Variants in SYNE3 observed in about 807,000 individuals in gnomAD.
SYNE3 encodes the protein spectrin repeat containing nuclear envelope family member 3.
Under a neutral mutation model 111.2 loss-of-function variants are expected in SYNE3, and 100 were observed. The observed-to-expected ratio is 0.90, with a 90% CI of 0.77 to 1.06. SYNE3 has a LOEUF of 1.06. SYNE3 is among the 50% of genes least tolerant of loss of function. SYNE3 has a pLI of 0.00. For missense variants in SYNE3, 1,160 were observed against 1,240.3 expected, an observed-to-expected ratio of 0.94 and a Z score of 0.97; for synonymous variants, 547 against 533.9, an observed-to-expected ratio of 1.02 and a Z score of -0.34.
rs1888489351 is a variant in SYNE3 at position 95,470,902 on chromosome 14, G to A, written c.145-2935C>T. Among the ~76,000 whole-genome samples the A allele has an allele frequency of 6.6e-6, 1 of 150,548 alleles. No homozygotes were observed. The highest frequency in any genetic ancestry group is 1.5e-5 in the Non-Finnish European group (1 of 67,742). On this transcript the variant is annotated intron_variant, in intron 2 of 17. Coordinates refer to ENST00000682763, the MANE Select transcript of SYNE3 (RefSeq NM_152592.6). The surrounding 1 kb of genome is among the most constrained non-coding windows in gnomAD (Gnocchi z 4.2). ...GAACCTGGGAGGCAGATGTTGCAGT[G>A]AGCCGAGATCACAACACTGCACTCC... is the stretch of plus-strand genomic sequence containing the variant.
Position 95,450,108 on chromosome 14 carries a change from G to T in SYNE3, c.1275-3C>A, listed in dbSNP as rs764252485. 1.3e-6 allele frequency: 2 copies of T among 1,573,072 alleles called. No individual in the cohort carries two copies. The highest frequency in any genetic ancestry group is 1.2e-5 in the South Asian group (1 of 85,666). On this transcript the variant is annotated splice_polypyrimidine_tract_variant and splice_region_variant and intron_variant, in intron 7 of 17. Transcript: ENST00000682763. ...GCCTCGCGCTCTTCACCTTCAGGCT[G>T]CAAGGAGCGTGGAGGGAGAAAATGA... is the stretch of plus-strand genomic sequence containing the variant.
intron 11 of SYNE3, among the ~76,000 whole-genome samples, chr14:95,441,529 TAAAC>T (rs1886415054): frequency 1.3e-5 from 2 of 152,362 alleles, no homozygotes; most frequent in African/African-American, 4.8e-5. Flanking sequence ...AAGAAGAATA[TAAAC>T]AATCAATAAG....
chr14:95,504,845 A>C (rs74947225), intron 1 of SYNE3, among the ~76,000 whole-genome samples: 1 of 113,948 alleles, frequency 8.8e-6, no homozygotes, highest in Non-Finnish European at 1.9e-5. Context: ...AGAAAAAAGA[A>C]AAAAGACAAT....
intron 1 of SYNE3, among the ~76,000 whole-genome samples, chr14:95,512,669 G>A (rs888875749): frequency 2.0e-5 from 3 of 151,138 alleles, no homozygotes; most frequent in South Asian, 4.2e-4. Flanking sequence ...TGGCTAACAC[G>A]ATGAAACCCC....
intron 14 of SYNE3, among the ~76,000 whole-genome samples, chr14:95,437,415 C>T (rs576200180): frequency 6.6e-6 from 1 of 152,382 alleles, no homozygotes; most frequent in Admixed American, 6.5e-5. Context: ...TCCCTGTCCT[C>T]TGAGCCTGGG....
chr14:95,482,376 C>T (rs939063869), intron 1 of SYNE3, among the ~76,000 whole-genome samples: 1 of 152,138 alleles, frequency 6.6e-6, no homozygotes, highest in Non-Finnish European at 1.5e-5. Context: ...AGAGGTTGCA[C>T]TGAGAAGAGA....
chr14:95,427,172 G>A (rs989302324), intron 17 of SYNE3, among the ~76,000 whole-genome samples: 7 of 152,112 alleles, frequency 4.6e-5, no homozygotes, highest in Non-Finnish European at 7.4e-5. Context: ...TGTTATGCCC[G>A]GACAGGGCCA....
At position 95,439,676 on chromosome 14, in the gene SYNE3, C is replaced by G. The variant is rs2139391931; in HGVS notation, c.2182G>C (p.Glu728Gln). The G allele has an allele frequency of 2.5e-6, 4 of 1,614,116 alleles. No homozygotes were observed. The East Asian group carries it at 8.9e-5, about 36-fold the overall frequency. The change falls in exon 13 of 18, where the codon GAG becomes CAG. Residue 728 changes from glutamate (E) to glutamine (Q), a missense_variant. By Grantham distance (29) the Glu-to-Gln change is conservative (BLOSUM62 2). Transcript: ENST00000682763. ...SSPEGAAVVQEELRELAESWR... is the reference protein window; with the variant it reads ...SSPEGAAVVQQELRELAESWR... Reference sequence around the variant, plus strand: ...GACTCTGCCAGCTCCCTGAGCTCCTCCTGCACCACGGCAGCACCCTCCGGA... The same window carrying G: ...GACTCTGCCAGCTCCCTGAGCTCCTGCTGCACCACGGCAGCACCCTCCGGA...
intron 1 of SYNE3, among the ~76,000 whole-genome samples, chr14:95,505,216 G>C (rs1890487263): frequency 6.6e-6 from 1 of 152,264 alleles, no homozygotes; most frequent in South Asian, 2.1e-4. Flanking sequence ...CTGAACCCCG[G>C]GAAATGGCCC....
Position 95,452,377 on chromosome 14 carries a change from G to A in SYNE3, c.1144C>T (p.Arg382Trp), listed in dbSNP as rs749768826. 5.1e-5 allele frequency: 82 copies of A among 1,608,350 alleles called. No individual in the cohort carries two copies. The highest frequency in any genetic ancestry group is 3.3e-4 in the Middle Eastern group (2 of 6,058). The change falls in exon 7 of 18, where the codon CGG (arginine) becomes TGG (tryptophan). Residue 382 changes from arginine (R) to tryptophan (W), a missense_variant. Coordinates refer to ENST00000682763, the MANE Select transcript of SYNE3 (RefSeq NM_152592.6). ...GGCTCCTCCGAGGCCAGCGCCGCCC[G>A]TGTTGCCTGCAGCACATGACGACAC... ...VAHWRRYSATRAALASEEPRV... is the reference protein window; with the variant it reads ...VAHWRRYSATWAALASEEPRV...
intron 1 of SYNE3, among the ~76,000 whole-genome samples, chr14:95,508,177 G>T (rs1436411179): frequency 6.6e-6 from 1 of 152,250 alleles, no homozygotes; most frequent in African/African-American, 2.4e-5. Flanking sequence ...GTAGCTGAGG[G>T]TGGGTTACTT....
At chr14:95,514,394 G>A (rs772001061) in intron 1 of SYNE3, among the ~76,000 whole-genome samples, 41 of 152,302 alleles carry the variant, frequency 2.7e-4, no homozygotes, top group Non-Finnish European at 5.0e-4. Context: ...CATGAGGGGG[G>A]TGAGCCAGGA....
intron 1 of SYNE3, among the ~76,000 whole-genome samples, chr14:95,476,496 T>C (rs1888898498): frequency 6.6e-6 from 1 of 152,248 alleles, no homozygotes; most frequent in Non-Finnish European, 1.5e-5. Flanking sequence ...ATGCCGGCCC[T>C]AGGTAACACC....
intron 14 of SYNE3, 59 bp from the exon 15 acceptor site, chr14:95,437,040 C>G: frequency 6.2e-7 from 1 of 1,605,542 alleles, no homozygotes; most frequent in East Asian, 2.2e-5. Context: ...GGCCATGTGT[C>G]CTGGGAATTC....
At chr14:95,484,289 G>A (rs1487585393) in intron 1 of SYNE3, among the ~76,000 whole-genome samples, 3 of 152,224 alleles carry the variant, frequency 2.0e-5, no homozygotes, top group African/African-American at 4.8e-5. Context: ...GGCTGCTGCA[G>A]AGATATGTTC....
chr14:95,453,997 G>A (rs1189631472), intron 6 of SYNE3, among the ~76,000 whole-genome samples: 2 of 152,252 alleles, frequency 1.3e-5, no homozygotes, highest in Admixed American at 1.3e-4. Flanking sequence ...GCTCAGGAGG[G>A]TGGACCCTGC....
At chr14:95,443,092 G>A in intron 11 of SYNE3, 63 bp downstream of exon 11, 2 of 1,598,636 alleles carry the variant, frequency 1.3e-6, no homozygotes, top group Non-Finnish European at 1.7e-6. Flanking sequence ...AAAGGCCCCA[G>A]GCGTGTTGGA....
chr14:95,459,741 C>T (rs7160702), intron 4 of SYNE3, among the ~76,000 whole-genome samples: 68,075 of 151,980 alleles, frequency 0.45, 16,664 homozygotes, highest in Admixed American at 0.62. Context: ...TAGGAGAAAA[C>T]ATCCCGATTT....
chr14:95,491,773 T>TAAAAAAAAAAAAAAAAAAA (rs34866057), intron 1 of SYNE3, among the ~76,000 whole-genome samples: 1 of 136,838 alleles, frequency 7.3e-6, no homozygotes, highest in African/African-American at 2.6e-5. Flanking sequence ...GCAAAAATGT[T>TAAAAAAAAAAAAAAAAAAA]AAAAAAAAAA....
Sources: gnomAD v4.1 joint callset for allele counts (sites outside exome capture counted in the v4.1 genomes callset) on GRCh38, gnomAD v4.1.1 for gene constraint, Gnocchi (gnomAD v3.1) non-coding constraint, MANE v1.5 for transcripts, NCBI Gene and HGNC (gene_info 2026-07-23, HGNC 2026-07-21) for gene names.